The following TP73 variants were observed in gnomAD, a reference collection of about 807,000 sequenced individuals.
The protein encoded by TP73 is tumor protein p73, also known as p53-like transcription factor.
TP73 carries 25 observed loss-of-function variants against 62.5 expected under a neutral mutation model. The ratio of observed to expected loss-of-function variants is 0.40; its 90% CI spans 0.29 to 0.56. The LOEUF (loss-of-function observed/expected upper bound fraction) is 0.56, where lower values mean the gene tolerates loss of function less well. TP73 is among the 20% of genes least tolerant of loss of function. TP73 has a pLI of 0.46. For synonymous variants in TP73, 423 were observed against 377.5 expected (o/e 1.12, Z -1.40); for missense variants, 754 against 913.3 (o/e 0.83, Z 2.25).
rs1645123691 is a variant in TP73, at chr1:3,666,759, T to C, written c.-34+14118T>C. On this transcript the variant is annotated intron_variant, in intron 1 of 13. Transcript: ENST00000378295. The surrounding 1 kb of genome is among the most constrained non-coding windows in gnomAD (Gnocchi z 6.4). ...TAAGCATTGGCGGTGGGGATGGTGC[T>C]CTGAGCAGACGCGACTCAGTGCCAT... Among the ~76,000 whole-genome samples the C allele has an allele frequency of 6.6e-6, 1 of 152,122 alleles. No homozygotes were observed. Among genetic ancestry groups the C allele is most frequent in the African/African-American group, 2.4e-5 (1 of 41,430 alleles).
At chr1:3,654,591 G>A (rs111740550) in intron 1 of TP73, among the ~76,000 whole-genome samples, 4 of 152,212 alleles carry the variant, frequency 2.6e-5, no homozygotes, top group South Asian at 4.1e-4. Context: ...GTGAGGTGCC[G>A]TCCGAAGGGC....
chr1:3,697,277 G>A (rs1050677642), intron 3 of TP73, among the ~76,000 whole-genome samples: 2 of 152,208 alleles, frequency 1.3e-5, no homozygotes, highest in African/African-American at 4.8e-5. Context: ...GCCAGAGGGA[G>A]CGCTTTGCAG....
At chr1:3,690,091 CCT>C (rs1420990305) in intron 3 of TP73, among the ~76,000 whole-genome samples, 2 of 152,178 alleles carry the variant, frequency 1.3e-5, no homozygotes, top group Non-Finnish European at 2.9e-5. Context: ...GTGGCTTGTC[CCT>C]GTTTCCTGGG....
Position 3,660,281 on chromosome 1 carries a change from G to A in TP73, c.-34+7640G>A, listed in dbSNP as rs567906566. Among the ~76,000 whole-genome samples, 181 of 152,264 alleles carry A rather than the reference G, an allele frequency of 1.2e-3. 2 individuals are homozygous for A. Among genetic ancestry groups the A allele is most frequent in the South Asian group, 4.6e-3 (22 of 4,828 alleles). The stretch of plus-strand genomic sequence containing the variant: ...AAAAATCACAGTCTTTCCTCAACCC[G>A]TGAGGCTGCAGAAGCCCTTTAATCC... On this transcript the variant is annotated intron_variant, in intron 1 of 13. Coordinates refer to ENST00000378295, the MANE Select transcript of TP73 (RefSeq NM_005427.4).
At chr1:3,717,451 G>A (rs984036657) in intron 4 of TP73, among the ~76,000 whole-genome samples, 5 of 152,262 alleles carry the variant, frequency 3.3e-5, no homozygotes, top group African/African-American at 9.6e-5. Flanking sequence ...AAGTCCAGGC[G>A]GCTCCGTGTC....
intron 4 of TP73, among the ~76,000 whole-genome samples, chr1:3,709,148 C>T (rs1019246341): frequency 1.3e-5 from 2 of 152,200 alleles, no homozygotes; most frequent in African/African-American, 4.8e-5. Flanking sequence ...TTCCAGGCCC[C>T]GCCCGCCCCC....
At chr1:3,681,018 G>A (rs139660199) in intron 1 of TP73, among the ~76,000 whole-genome samples, 2 of 152,342 alleles carry the variant, frequency 1.3e-5, no homozygotes, top group African/African-American at 2.4e-5. Flanking sequence ...GAGCGGTCAC[G>A]CCCACCTGGG....
intron 1 of TP73, among the ~76,000 whole-genome samples, chr1:3,677,689 CCTT>C (rs1645404494): frequency 7.3e-6 from 1 of 137,222 alleles, no homozygotes; most frequent in Non-Finnish European, 1.6e-5. Context: ...TCCTTCCTTC[CCTT>C]TTTTTTTTTT....
In TP73 at chr1:3,734,307, G is replaced by C. The variant is rs1642341972; in HGVS notation, c.*1228G>C. On this transcript the variant is annotated 3_prime_UTR_variant, in exon 14 of 14. Coordinates refer to ENST00000378295, the MANE Select transcript of TP73 (RefSeq NM_005427.4). This position sits in a 1 kb window ranked among gnomAD's most constrained non-coding sequence, Gnocchi z 4.4. ...CAGAGTCTGCACAGGCCCTTTCTGG[G>C]GCCACCTCCATCCACGAGGAGCAGC... is the stretch of plus-strand genomic sequence containing the variant. 6.6e-6 allele frequency: 1 copy of C among 152,244 alleles called. No homozygotes were observed. Among genetic ancestry groups the C allele is most frequent in the South Asian group, 2.1e-4 (1 of 4,826 alleles). The allele number at this position is 152,244 out of a possible 1,614,324, so 9.4% of individuals were successfully genotyped here. A position where few individuals can be genotyped will look rare whatever the true frequency, so the allele number is the denominator to read the frequency against.
At chr1:3,722,616 C>A (rs983699254) in intron 5 of TP73, among the ~76,000 whole-genome samples, 1 of 152,242 alleles carries the variant, frequency 6.6e-6, no homozygotes, top group African/African-American at 2.4e-5. Flanking sequence ...TGGAAGCCCA[C>A]AGGACTGGGC....
At chr1:3,709,021 C>A (rs1639911560) in intron 4 of TP73, among the ~76,000 whole-genome samples, 1 of 152,204 alleles carries the variant, frequency 6.6e-6, no homozygotes, top group African/African-American at 2.4e-5. Context: ...GCCCTGCTGG[C>A]CATAGCTGCG....
intron 3 of TP73, among the ~76,000 whole-genome samples, chr1:3,693,003 G>T (rs779050118): frequency 6.6e-6 from 1 of 152,170 alleles, no homozygotes; most frequent in Non-Finnish European, 1.5e-5. Context: ...TGGTTCGTTC[G>T]TTCATTTGTC....
rs761087279 is a variant in TP73 at position 3,727,624 on chromosome 1, A to G, written c.843-4A>G. ...TCACAATTCTGGCTGTGCCCACCCGACAGTGGGCAGGTGCTGGGCCGCCGG... is the reference window on the plus strand; with the variant it reads ...TCACAATTCTGGCTGTGCCCACCCGGCAGTGGGCAGGTGCTGGGCCGCCGG... On this transcript the variant is annotated splice_polypyrimidine_tract_variant and splice_region_variant and intron_variant, in intron 7 of 13. Transcript: ENST00000378295. 2 of 1,596,438 alleles carry G rather than the reference A, an allele frequency of 1.3e-6. No homozygotes were observed. The highest frequency in any genetic ancestry group is 1.7e-6 in the Non-Finnish European group (2 of 1,174,836).
At chr1:3,677,716 T>G in intron 1 of TP73, among the ~76,000 whole-genome samples, 1 of 149,196 alleles carries the variant, frequency 6.7e-6, no homozygotes. Context: ...TTTTTAGAGT[T>G]GTGGTCTAGC....
At position 3,667,697 on chromosome 1, in the gene TP73, C is replaced by G. The variant is rs553834390; in HGVS notation, c.-33-14636C>G. ...CCTGGGAGGCAAAGGTTGCAGTGAGCCAAGATGGAGCCACTGCACTCCAGC... is the reference window on the plus strand; with the variant it reads ...CCTGGGAGGCAAAGGTTGCAGTGAGGCAAGATGGAGCCACTGCACTCCAGC... On this transcript the variant is annotated intron_variant, in intron 1 of 13. Transcript: ENST00000378295. Among the ~76,000 whole-genome samples the G allele has an allele frequency of 4.0e-5, 6 of 150,404 alleles. No individual in the cohort carries two copies. The South Asian group carries it at 1.3e-3, about 32-fold the overall frequency.
intron 3 of TP73, among the ~76,000 whole-genome samples, chr1:3,686,055 A>C (rs539192552): frequency 1.3e-5 from 2 of 152,294 alleles, no homozygotes; most frequent in African/African-American, 4.8e-5. Context: ...GTGGCTGCAC[A>C]CGCACCTGCC....
At chr1:3,717,425 C>A (rs1003513002) in intron 4 of TP73, among the ~76,000 whole-genome samples, 6 of 152,222 alleles carry the variant, frequency 3.9e-5, no homozygotes, top group Non-Finnish European at 7.3e-5. Context: ...GGACGGTGCA[C>A]GCACCCTGGG....
intron 12 of TP73, 31 bp from the exon 13 acceptor site, chr1:3,731,432 T>C: frequency 6.3e-7 from 1 of 1,599,310 alleles, no homozygotes; most frequent in African/African-American, 1.3e-5. Context: ...CGGAAGCTAA[T>C]GCTGCTTCCT....
chr1:3,707,423 G>A lies in TP73; in HGVS notation c.187-126G>A, dbSNP rs897235092. 6.6e-5 allele frequency: 89 copies of A among 1,351,410 alleles called. 1 individual carries two copies. Among genetic ancestry groups the A allele is most frequent in the Non-Finnish European group, 8.0e-5 (79 of 983,064 alleles). The allele number at this position is 1,351,410 out of a possible 1,614,324, so 83.7% of individuals were successfully genotyped here. ...GCCTGTTGGGATGGGGGAGAGACCC[G>A]GGGAAATATTTGGGATGACTGGAGC... On this transcript the variant is annotated intron_variant, in intron 3 of 13. Transcript: ENST00000378295.
Sources: allele counts gnomAD v4.1 joint callset (sites outside exome capture counted in the v4.1 genomes callset), GRCh38; gene constraint gnomAD v4.1.1; non-coding constraint Gnocchi (gnomAD v3.1); transcripts MANE v1.5; gene names NCBI Gene and HGNC (gene_info 2026-07-23, HGNC 2026-07-21).